Variants in SYN3 observed in about 807,000 individuals in gnomAD.
SYN3 encodes the protein synapsin-3.
SYN3 carries 35 observed loss-of-function variants against 65.8 expected under a neutral mutation model. The ratio of observed to expected loss-of-function variants is 0.53; its 90% CI spans 0.41 to 0.70. The LOEUF is 0.70. Among genes scored for constraint, SYN3 ranks in the 30% least tolerant of loss-of-function variants. The probability of loss-of-function intolerance (pLI) is 0.00; values close to 1 mark genes in which losing one functional copy is unlikely to be tolerated. For synonymous variants in SYN3, 270 were observed against 292.9 expected (o/e 0.92, Z 0.80); for missense variants, 680 against 749.0 (o/e 0.91, Z 1.08).
At chr22:32,741,347 ATTTTTTTTTTTT>A (rs71187210) in intron 6 of SYN3, among the ~76,000 whole-genome samples, 1 of 98,650 alleles carries the variant, frequency 1.0e-5, no homozygotes, top group African/African-American at 3.8e-5. Context: ...CTAGAGCCCA[ATTTTTTTTTTTT>A]TTTTTTTTTT....
chr22:32,670,539 A>G (rs1601880961), intron 6 of SYN3, among the ~76,000 whole-genome samples: 1 of 152,144 alleles, frequency 6.6e-6, no homozygotes, highest in African/African-American at 2.4e-5. Flanking sequence ...CTACTTCTCT[A>G]TCGTTTGGAT....
chr22:32,672,173 T>G (rs1455290706), intron 6 of SYN3, among the ~76,000 whole-genome samples: 2 of 152,210 alleles, frequency 1.3e-5, no homozygotes, highest in Non-Finnish European at 2.9e-5. Context: ...GAAGAACATC[T>G]GTAGATCCCC....
At chr22:33,034,356 C>T (rs1353158116) in intron 1 of SYN3, among the ~76,000 whole-genome samples, 2 of 151,716 alleles carry the variant, frequency 1.3e-5, no homozygotes, top group Admixed American at 6.6e-5. Context: ...AAGCAATTCT[C>T]CTACCTCAGC....
At chr22:32,888,624 A>G (rs2146459650) in intron 4 of SYN3, among the ~76,000 whole-genome samples, 1 of 152,294 alleles carries the variant, frequency 6.6e-6, no homozygotes, top group East Asian at 1.9e-4. Flanking sequence ...ATAACAGAGG[A>G]GGTGAAGCAG....
chr22:32,615,025 C>A (rs1267375836), intron 6 of SYN3, among the ~76,000 whole-genome samples: 1 of 150,228 alleles, frequency 6.7e-6, no homozygotes, highest in Non-Finnish European at 1.5e-5. Flanking sequence ...TAAAAAATTA[C>A]CCCCACCGTG....
chr22:32,694,833 G>C (rs373932949), intron 6 of SYN3, among the ~76,000 whole-genome samples: 1 of 152,148 alleles, frequency 6.6e-6, no homozygotes, highest in Non-Finnish European at 1.5e-5. Context: ...AGTTCCATGC[G>C]CTATTTTCTC....
At chr22:32,814,819 C>G (rs1208612261) in intron 6 of SYN3, among the ~76,000 whole-genome samples, 1 of 152,060 alleles carries the variant, frequency 6.6e-6, no homozygotes, top group Non-Finnish European at 1.5e-5. Flanking sequence ...TGATATTGCT[C>G]AGGAGAAACA....
chr22:32,804,325 C>T (rs1011498510), intron 6 of SYN3, among the ~76,000 whole-genome samples: 2 of 152,170 alleles, frequency 1.3e-5, no homozygotes, highest in Non-Finnish European at 2.9e-5. Context: ...TGCTGGCGTC[C>T]AGTACTTGGC....
chr22:32,796,203 T>C (rs13054779), intron 6 of SYN3, among the ~76,000 whole-genome samples: 6,249 of 152,248 alleles, frequency 0.041, 203 homozygotes, highest in Non-Finnish European at 0.057. Context: ...TATATGGTCA[T>C]TGAAACATAC....
chr22:32,840,056 G>A (rs963361763), intron 6 of SYN3, among the ~76,000 whole-genome samples: 19 of 152,010 alleles, frequency 1.2e-4, no homozygotes, highest in African/African-American at 2.9e-4. Context: ...TGGGGACCCC[G>A]GAACACAAGG....
intron 3 of SYN3, among the ~76,000 whole-genome samples, chr22:32,947,286 T>C (rs2051143291): frequency 6.6e-6 from 1 of 152,230 alleles, no homozygotes. Flanking sequence ...ATCAAAGAAA[T>C]CATCTATTAT....
chr22:32,872,528 T>C (rs1282250882), intron 4 of SYN3, among the ~76,000 whole-genome samples: 1 of 152,140 alleles, frequency 6.6e-6, no homozygotes, highest in Non-Finnish European at 1.5e-5. Flanking sequence ...TCAGATCTAA[T>C]ATGTGAAAAA....
At chr22:33,029,249 A>T (rs1189718188) in intron 1 of SYN3, among the ~76,000 whole-genome samples, 4 of 150,250 alleles carry the variant, frequency 2.7e-5, no homozygotes, top group Non-Finnish European at 4.4e-5. Flanking sequence ...ATCTTAGCTC[A>T]CTCTAACCTC....
chr22:32,569,961 AAAGCTATTGTCC>A (rs2058736720), intron 7 of SYN3, among the ~76,000 whole-genome samples: 1 of 152,196 alleles, frequency 6.6e-6, no homozygotes, highest in South Asian at 2.1e-4. Context: ...TAATAGCATT[AAAGCTATTGTCC>A]TCATTTTTCT....
At chr22:32,973,568 T>C (rs1354062251) in intron 3 of SYN3, among the ~76,000 whole-genome samples, 1 of 152,178 alleles carries the variant, frequency 6.6e-6, no homozygotes, top group Non-Finnish European at 1.5e-5. Context: ...GGCCCATTCC[T>C]TATTAGTTCA....
intron 6 of SYN3, among the ~76,000 whole-genome samples, chr22:32,634,945 T>TTC (rs1437724327): frequency 6.6e-6 from 1 of 152,132 alleles, no homozygotes; most frequent in Non-Finnish European, 1.5e-5. Context: ...CTTTTTTTTT[T>TTC]TTAGCTCATC....
At chr22:32,604,873 G>A (rs1601741147) in intron 6 of SYN3, among the ~76,000 whole-genome samples, 1 of 151,890 alleles carries the variant, frequency 6.6e-6, no homozygotes, top group Admixed American at 6.6e-5. Context: ...GGGCGTGGTG[G>A]CGGGTGCCTG....
At chr22:32,747,720 C>T (rs1224068092) in intron 6 of SYN3, among the ~76,000 whole-genome samples, 2 of 152,174 alleles carry the variant, frequency 1.3e-5, no homozygotes, top group Admixed American at 1.3e-4. Context: ...TACACCAAAG[C>T]AATAACCACG....
chr22:32,639,554 C>T (rs768245321), intron 6 of SYN3, among the ~76,000 whole-genome samples: 7 of 151,924 alleles, frequency 4.6e-5, no homozygotes, highest in Admixed American at 1.3e-4. Context: ...TTTTGAGACA[C>T]GTTCTTACTC....
Sources: allele counts gnomAD v4.1 joint callset (sites outside exome capture counted in the v4.1 genomes callset), GRCh38; gene constraint gnomAD v4.1.1; transcripts MANE v1.5; gene names NCBI Gene and HGNC (gene_info 2026-07-23, HGNC 2026-07-21).